The following MRTFA variants were observed in gnomAD, a reference collection of about 807,000 sequenced individuals.
MRTFA encodes myocardin-related transcription factor A.
A neutral mutation model predicts 83.5 loss-of-function variants in MRTFA; 20 were observed. The observed-to-expected ratio is 0.24, with a 90% CI of 0.17 to 0.35. The LOEUF (loss-of-function observed/expected upper bound fraction) is 0.35, where lower values mean the gene tolerates loss of function less well. MRTFA is among the 10% of genes least tolerant of loss of function. The pLI is 1.00. For missense variants in MRTFA, 1,200 were observed against 1,224.7 expected, an observed-to-expected ratio of 0.98 and a Z score of 0.30; for synonymous variants, 659 against 541.2, an observed-to-expected ratio of 1.22 and a Z score of -3.02.
intron 1 of MRTFA, among the ~76,000 whole-genome samples, chr22:40,622,595 G>A (rs2056537150): frequency 6.6e-6 from 1 of 152,132 alleles, no homozygotes; most frequent in Non-Finnish European, 1.5e-5. Context: ...TGTGCAGAGA[G>A]ATTTAAAGAT....
At chr22:40,584,239 G>C (rs760433919) in intron 2 of MRTFA, among the ~76,000 whole-genome samples, 1 of 152,156 alleles carries the variant, frequency 6.6e-6, no homozygotes, top group Non-Finnish European at 1.5e-5. Context: ...CCGATGCTAA[G>C]AAACTAAAGC....
chr22:40,413,892 C>G lies in MRTFA; in HGVS notation c.2579-1985G>C, dbSNP rs776776305. 2.2e-3 allele frequency among the ~76,000 whole-genome samples: 342 copies of G among 152,248 alleles called. 2 individuals are homozygous for G. The highest frequency in any genetic ancestry group is 3.1e-3 in the Non-Finnish European group (210 of 68,028). On this transcript the variant is annotated intron_variant, in intron 14 of 14. Coordinates refer to ENST00000355630, the MANE Select transcript of MRTFA (RefSeq NM_020831.6). ...TGCAAACTAAGATACCACTTCACACCCATTAGGATGGCTTGTATCAAAAAA... is the reference window on the plus strand; with the variant it reads ...TGCAAACTAAGATACCACTTCACACGCATTAGGATGGCTTGTATCAAAAAA...
chr22:40,598,774 C>T (rs1044439332), intron 1 of MRTFA, among the ~76,000 whole-genome samples: 6 of 151,256 alleles, frequency 4.0e-5, no homozygotes, highest in African/African-American at 1.5e-4. Flanking sequence ...GGGCGAATTA[C>T]CTGAGGTCAG....
At chr22:40,471,841 C>T (rs2053921239) in intron 3 of MRTFA, among the ~76,000 whole-genome samples, 2 of 152,146 alleles carry the variant, frequency 1.3e-5, no homozygotes, top group Non-Finnish European at 2.9e-5. Context: ...CACTGCACTC[C>T]AACCTGGGTG....
At chr22:40,442,282 C>CTTA (rs1229127920) in intron 4 of MRTFA, among the ~76,000 whole-genome samples, 5 of 152,186 alleles carry the variant, frequency 3.3e-5, no homozygotes, top group African/African-American at 1.2e-4. Flanking sequence ...ACGCCAGAAG[C>CTTA]TCACCAACAA....
intron 1 of MRTFA, among the ~76,000 whole-genome samples, chr22:40,624,058 C>T (rs982309567): frequency 6.6e-6 from 1 of 152,114 alleles, no homozygotes; most frequent in Admixed American, 6.6e-5. Context: ...GAGCCATGTT[C>T]AAACCACTGA....
At chr22:40,481,311 G>A (rs1204728600) in intron 3 of MRTFA, among the ~76,000 whole-genome samples, 3 of 152,010 alleles carry the variant, frequency 2.0e-5, no homozygotes, top group Non-Finnish European at 4.4e-5. Flanking sequence ...GGTTCTTTTC[G>A]GGCACTAGGA....
chr22:40,447,356 A>G (rs2053399941), intron 4 of MRTFA, among the ~76,000 whole-genome samples: 1 of 151,892 alleles, frequency 6.6e-6, no homozygotes, highest in African/African-American at 2.4e-5. Flanking sequence ...TTCAAAAAAA[A>G]AAAAGAAAAA....
intron 7 of MRTFA, among the ~76,000 whole-genome samples, chr22:40,426,986 T>C (rs565214713): frequency 6.5e-4 from 99 of 152,344 alleles, no homozygotes; most frequent in Non-Finnish European, 1.3e-3. Context: ...AGCACTGGCA[T>C]CTGACTGGGA....
At chr22:40,588,264 T>A (rs936082754) in intron 2 of MRTFA, among the ~76,000 whole-genome samples, 1 of 152,174 alleles carries the variant, frequency 6.6e-6, no homozygotes, top group Non-Finnish European at 1.5e-5. Flanking sequence ...CCTGACCTTG[T>A]GATCCACCTG....
chr22:40,429,173 T>C (rs1200448072), intron 7 of MRTFA, among the ~76,000 whole-genome samples: 1 of 152,182 alleles, frequency 6.6e-6, no homozygotes, highest in African/African-American at 2.4e-5. Flanking sequence ...ACTGTTTGGG[T>C]CCATCAGTAT....
At chr22:40,503,588 A>T (rs1254561462) in intron 3 of MRTFA, among the ~76,000 whole-genome samples, 1 of 152,198 alleles carries the variant, frequency 6.6e-6, no homozygotes, top group Non-Finnish European at 1.5e-5. Flanking sequence ...GATCAACAAC[A>T]AATAGTCTTT....
At position 40,424,231 on chromosome 22, in the gene MRTFA, C is replaced by T; in HGVS notation, c.752G>A (p.Ser251Asn). The stretch of plus-strand genomic sequence containing the variant: ...CTGGGTGGGGGATGCAGAGGTGGCA[C>T]TGAGCAGTGGTTCGCTGACTCGGGC... The change falls in exon 8 of 15, where the codon AGT (serine) becomes AAT (asparagine). Residue 251 changes from serine (S) to asparagine (N), a missense_variant. Around this residue, in one of 2 missense-constraint regions of MRTFA, gnomAD observed 1,107 missense variants for 1,041.8 expected, o/e 1.06. Transcript: ENST00000355630. The T allele has an allele frequency of 6.2e-7, 1 of 1,604,782 alleles. No homozygotes were observed. The highest frequency in any genetic ancestry group is 8.5e-7 in the Non-Finnish European group (1 of 1,176,900).
At chr22:40,600,390 C>A (rs1179752289) in intron 1 of MRTFA, among the ~76,000 whole-genome samples, 1 of 152,126 alleles carries the variant, frequency 6.6e-6, no homozygotes, top group Non-Finnish European at 1.5e-5. Context: ...CTTTCATATC[C>A]ACCACAAATC....
chr22:40,574,098 T>C (rs2055835523), intron 2 of MRTFA, among the ~76,000 whole-genome samples: 1 of 152,148 alleles, frequency 6.6e-6, no homozygotes, highest in Non-Finnish European at 1.5e-5. Context: ...TCTTTTCCTG[T>C]GAGTGCATGG....
chr22:40,427,745 C>T (rs985612121), intron 7 of MRTFA, among the ~76,000 whole-genome samples: 2 of 152,170 alleles, frequency 1.3e-5, no homozygotes, highest in Non-Finnish European at 2.9e-5. Context: ...AACACCTGAG[C>T]TTATGCTAAT....
At chr22:40,580,516 A>G (rs1428908091) in intron 2 of MRTFA, among the ~76,000 whole-genome samples, 2 of 152,150 alleles carry the variant, frequency 1.3e-5, no homozygotes, top group African/African-American at 4.8e-5. Flanking sequence ...CTAATTTTTA[A>G]TTATGAAAGT....
chr22:40,502,901 C>A (rs369173990), intron 3 of MRTFA, among the ~76,000 whole-genome samples: 1 of 152,224 alleles, frequency 6.6e-6, no homozygotes, highest in African/African-American at 2.4e-5. Flanking sequence ...TTAACTGTCA[C>A]GCTTCCAGGA....
chr22:40,520,509 C>T (rs770824141), intron 3 of MRTFA, among the ~76,000 whole-genome samples: 2 of 152,062 alleles, frequency 1.3e-5, no homozygotes, highest in Admixed American at 6.6e-5. Context: ...CAGGTTCAAG[C>T]GACTGTTGTG....
Sources: allele counts gnomAD v4.1 joint callset (sites outside exome capture counted in the v4.1 genomes callset), GRCh38; gene constraint gnomAD v4.1.1; regional missense constraint gnomAD v4.1.1; transcripts MANE v1.5; gene names NCBI Gene and HGNC (gene_info 2026-07-23, HGNC 2026-07-21).